Variants in FILIP1L observed in about 807,000 individuals in gnomAD.
The protein encoded by FILIP1L is filamin A interacting protein 1 like.
In FILIP1L, 55 loss-of-function variants were observed where a neutral mutation model predicts 96.6. That is an observed-to-expected ratio of 0.57 (90% CI 0.46 to 0.71). The LOEUF (loss-of-function observed/expected upper bound fraction) is 0.71, where lower values mean the gene tolerates loss of function less well. Among genes scored for constraint, FILIP1L ranks in the 30% least tolerant of loss-of-function variants. FILIP1L has a pLI of 0.00. For missense variants in FILIP1L, 1,304 were observed against 1,321.2 expected (o/e 0.99, Z 0.20); for synonymous variants, 467 against 473.9 (o/e 0.99, Z 0.19).
chr3:99,916,075 A>G (rs1331259277), intron 4 of FILIP1L, among the ~76,000 whole-genome samples: 1 of 152,162 alleles, frequency 6.6e-6, no homozygotes, highest in East Asian at 1.9e-4. Context: ...CTGGTTAAAC[A>G]TTATTTTGAG....
chr3:99,873,324 C>T (rs1167914037), intron 4 of FILIP1L, among the ~76,000 whole-genome samples: 1 of 152,134 alleles, frequency 6.6e-6, no homozygotes, highest in Admixed American at 6.5e-5. Flanking sequence ...ATATGTCCAA[C>T]AGATAAGGTA....
intron 1 of FILIP1L, among the ~76,000 whole-genome samples, chr3:100,031,017 ATC>A (rs1697328245): frequency 6.6e-6 from 1 of 152,238 alleles, no homozygotes; most frequent in East Asian, 1.9e-4. Context: ...GAATATAAAC[ATC>A]TCTGTTACTC....
At chr3:99,952,450 A>G (rs191184319) in intron 1 of FILIP1L, among the ~76,000 whole-genome samples, 28 of 152,318 alleles carry the variant, frequency 1.8e-4, no homozygotes, top group Admixed American at 1.4e-3. Flanking sequence ...CAAAAATTCC[A>G]ACTCTGAGAA....
intron 1 of FILIP1L, chr3:100,010,294 G>GA (rs982635139): frequency 1.1e-3 from 228 of 199,904 alleles, no homozygotes; most frequent in Non-Finnish European, 1.8e-3. Context: ...TGCATGGAAG[G>GA]AAAAAAAAAT....
chr3:100,028,176 T>TA (rs1183967490), intron 1 of FILIP1L, among the ~76,000 whole-genome samples: 1 of 152,210 alleles, frequency 6.6e-6, no homozygotes, highest in African/African-American at 2.4e-5. Context: ...AGTTAATTCT[T>TA]ACATCATTCC....
intron 5 of FILIP1L, 62 bp downstream of exon 5, chr3:99,848,233 T>C (rs780638143): frequency 6.3e-7 from 1 of 1,588,048 alleles, no homozygotes; most frequent in Non-Finnish European, 8.6e-7. Context: ...ATTGAGTTCC[T>C]TGCAAAAATA....
intron 1 of FILIP1L, among the ~76,000 whole-genome samples, chr3:99,970,853 A>G (rs1053537184): frequency 9.2e-5 from 14 of 152,232 alleles, no homozygotes; most frequent in Admixed American, 1.3e-4. Context: ...TGAGGATATT[A>G]TAGATAAATG....
intron 1 of FILIP1L, among the ~76,000 whole-genome samples, chr3:100,113,422 G>A (rs771217481): frequency 6.6e-6 from 1 of 152,168 alleles, no homozygotes; most frequent in Non-Finnish European, 1.5e-5. Flanking sequence ...TTCTTGATAG[G>A]TATCTCCCAA....
intron 1 of FILIP1L, among the ~76,000 whole-genome samples, chr3:99,975,343 C>G (rs1476610427): frequency 1.3e-5 from 2 of 152,154 alleles, no homozygotes; most frequent in African/African-American, 4.8e-5. Context: ...GTCAAATGTT[C>G]TAGTGCAGGA....
chr3:99,995,981 G>A (rs950014789), intron 1 of FILIP1L, among the ~76,000 whole-genome samples: 3 of 152,320 alleles, frequency 2.0e-5, no homozygotes, highest in South Asian at 2.1e-4. Context: ...CCATTGTCTT[G>A]GTGATTAACA....
rs75423186 is a variant in FILIP1L at position 99,916,829 on chromosome 3, T to C, written c.605+7401A>G. On this transcript the variant is annotated intron_variant, in intron 4 of 5. Coordinates refer to ENST00000477258, the MANE Select transcript of FILIP1L (RefSeq NM_001387850.1). The stretch of plus-strand genomic sequence containing the variant: ...CTGTGCAGTGATACTCACTCATCAC[T>C]TGTGCCAGCCATCATCTTCACGGCT... Among the ~76,000 whole-genome samples, 127 of 152,352 alleles carry C rather than the reference T, an allele frequency of 8.3e-4. 1 individual carries two copies. In the East Asian group the frequency reaches 0.024, roughly 29 times the overall value.
intron 1 of FILIP1L, among the ~76,000 whole-genome samples, chr3:99,980,569 A>C (rs1709092436): frequency 6.6e-6 from 1 of 152,204 alleles, no homozygotes; most frequent in African/African-American, 2.4e-5. Context: ...GTTTATTACA[A>C]ACTTAAGAAA....
chr3:100,083,022 G>A (rs1334402300), intron 1 of FILIP1L, among the ~76,000 whole-genome samples: 1 of 152,176 alleles, frequency 6.6e-6, no homozygotes, highest in South Asian at 2.1e-4. Flanking sequence ...ACTTTGGGAT[G>A]TGTATATTCT....
At chr3:100,091,613 TA>T (rs1477429120) in intron 1 of FILIP1L, among the ~76,000 whole-genome samples, 2 of 152,236 alleles carry the variant, frequency 1.3e-5, no homozygotes, top group African/African-American at 4.8e-5. Context: ...ATTACAAAAG[TA>T]TAACTAGCTT....
intron 1 of FILIP1L, among the ~76,000 whole-genome samples, chr3:100,026,574 G>A (rs540897312): frequency 4.3e-4 from 65 of 152,158 alleles, no homozygotes; most frequent in African/African-American, 1.5e-3. Flanking sequence ...TTTAAATGTT[G>A]GCAACTCTTT....
intron 1 of FILIP1L, among the ~76,000 whole-genome samples, chr3:100,053,132 TG>T (rs2065401876): frequency 1.3e-5 from 2 of 152,298 alleles, no homozygotes; most frequent in South Asian, 4.1e-4. Flanking sequence ...TGCTCCAATT[TG>T]GGGCATAGTT....
chr3:100,033,742 A>G (rs2065060478), intron 1 of FILIP1L, among the ~76,000 whole-genome samples: 1 of 152,232 alleles, frequency 6.6e-6, no homozygotes, highest in Non-Finnish European at 1.5e-5. Context: ...TATTGAAAAT[A>G]TGTGGTGACT....
At chr3:100,051,500 T>TC (rs2065372414) in intron 1 of FILIP1L, among the ~76,000 whole-genome samples, 1 of 88,130 alleles carries the variant, frequency 1.1e-5, no homozygotes, top group Non-Finnish European at 2.2e-5. Flanking sequence ...ATGCTAACCC[T>TC]CCCCCCTCCC....
chr3:100,050,834 C>G (rs1163732128), intron 1 of FILIP1L, among the ~76,000 whole-genome samples: 1 of 152,094 alleles, frequency 6.6e-6, no homozygotes, highest in East Asian at 1.9e-4. Context: ...CCAGCCTCCC[C>G]CAGGTTTTGT....
Sources: gnomAD v4.1 joint callset for allele counts (sites outside exome capture counted in the v4.1 genomes callset) on GRCh38, gnomAD v4.1.1 for gene constraint, MANE v1.5 for transcripts, NCBI Gene and HGNC (gene_info 2026-07-23, HGNC 2026-07-21) for gene names.